The following ADGRE3 variants were observed in gnomAD, a reference collection of about 807,000 sequenced individuals.
ADGRE3 encodes the protein adhesion G protein-coupled receptor E3.
Under a neutral mutation model 80.1 loss-of-function variants are expected in ADGRE3, and 88 were observed. The observed-to-expected ratio is 1.10, with a 90% CI of 0.93 to 1.31. The LOEUF (loss-of-function observed/expected upper bound fraction) is 1.31. ADGRE3 is among the 40% of genes most tolerant of loss of function. ADGRE3 has a pLI of 0.00. For missense variants in ADGRE3, 715 were observed against 776.5 expected (o/e 0.92, Z 0.94); for synonymous variants, 281 against 294.8 (o/e 0.95, Z 0.48).
intron 13 of ADGRE3, among the ~76,000 whole-genome samples, chr19:14,631,694 C>T (rs1970886264): frequency 1.3e-5 from 2 of 151,622 alleles, no homozygotes; most frequent in South Asian, 4.2e-4. Flanking sequence ...ATATATATCC[C>T]TAATTATTAA....
chr19:14,631,327 A>G (rs2146814763), intron 13 of ADGRE3, among the ~76,000 whole-genome samples: 1 of 152,118 alleles, frequency 6.6e-6, no homozygotes, highest in South Asian at 2.1e-4. Context: ...TCAAAATATC[A>G]CAAATACTTT....
At chr19:14,630,763 G>A (rs1025401966) in intron 13 of ADGRE3, among the ~76,000 whole-genome samples, 32 of 152,124 alleles carry the variant, frequency 2.1e-4, no homozygotes, top group African/African-American at 7.7e-4. Flanking sequence ...TTGCTATAAA[G>A]ATTACATGAG....
intron 15 of ADGRE3, among the ~76,000 whole-genome samples, chr19:14,623,683 C>T (rs1970657869): frequency 6.6e-6 from 1 of 152,146 alleles, no homozygotes; most frequent in Non-Finnish European, 1.5e-5. Flanking sequence ...CTCTGTGGGC[C>T]CACATCCACA....
chr19:14,633,113 G>A (rs926528031), intron 12 of ADGRE3, 101 bp from the exon 13 acceptor site: 3 of 1,254,024 alleles, frequency 2.4e-6, no homozygotes, highest in African/African-American at 1.5e-5. Context: ...ACATGGGACT[G>A]AATTGGTAGC....
intron 5 of ADGRE3, among the ~76,000 whole-genome samples, chr19:14,657,530 G>A (rs945063158): frequency 6.8e-6 from 1 of 148,078 alleles, no homozygotes; most frequent in Non-Finnish European, 1.5e-5. Flanking sequence ...CATGCACACT[G>A]TGTGTGTCTA....
chr19:14,619,613 A>G, intron 15 of ADGRE3, 142 bp from the exon 16 acceptor site: 1 of 660,766 alleles, frequency 1.5e-6, no homozygotes, highest in East Asian at 2.6e-5. Flanking sequence ...CCTAGCATTT[A>G]AAAATCCTAG....
chr19:14,649,401 TCCATCTCTCTCC>T (rs1267156735), intron 7 of ADGRE3, among the ~76,000 whole-genome samples: 2 of 149,328 alleles, frequency 1.3e-5, no homozygotes, highest in African/African-American at 5.0e-5. Flanking sequence ...TCTCTCTCTT[TCCATCTCTCTCC>T]CCATCTCTCT....
rs1263629631 is a variant in ADGRE3, at chr19:14,619,428, T to C, written c.*5A>G. ...ATTTTCCATATGGAGTTGAATATTC[T>C]AGTTTTAATATTTTCTCTTCACTTG... is the stretch of plus-strand genomic sequence containing the variant. On this transcript the variant is annotated 3_prime_UTR_variant, in exon 16 of 16. Coordinates refer to ENST00000253673, the MANE Select transcript of ADGRE3 (RefSeq NM_032571.5). 2 of 1,567,776 alleles carry C rather than the reference T, an allele frequency of 1.3e-6. No individual in the cohort carries two copies. The highest frequency in any genetic ancestry group is 1.8e-6 in the Non-Finnish European group (2 of 1,138,458).
intron 1 of ADGRE3, among the ~76,000 whole-genome samples, chr19:14,672,774 T>A (rs1218018710): frequency 6.6e-6 from 1 of 152,076 alleles, no homozygotes; most frequent in African/African-American, 2.4e-5. Context: ...CATGACTGGC[T>A]AATTTTTTTT....
chr19:14,635,705 G>T (rs1971018496), intron 11 of ADGRE3, among the ~76,000 whole-genome samples: 1 of 152,004 alleles, frequency 6.6e-6, no homozygotes, highest in Admixed American at 6.6e-5. Context: ...GAGTCACTGC[G>T]CCCAGCTTTT....
Position 14,638,309 on chromosome 19 carries a change from T to G in ADGRE3, c.1280A>C (p.His427Pro), listed in dbSNP as rs1437688612. ...GGTGAAGGCGGCCAGGTAGAGATAG[T>G]GCAAAGCACCGGCGATGATGGAGCA... The part of the protein sequence containing the change: ...VLCSIIAGAL[H>P]YLYLAAFTWM... The change falls in exon 11 of 16, where the codon CAC becomes CCC. Residue 427 changes from histidine (H) to proline (P), a missense_variant. His to Pro is a moderately conservative substitution (Grantham distance 77, BLOSUM62 -2). Transcript: ENST00000253673. 1 of 1,613,856 alleles carries G rather than the reference T, an allele frequency of 6.2e-7. No individual in the cohort carries two copies. The highest frequency in any genetic ancestry group is 8.5e-7 in the Non-Finnish European group (1 of 1,179,976).
chr19:14,628,796 A>T (rs187777691), intron 14 of ADGRE3: 1 of 249,748 alleles, frequency 4.0e-6, no homozygotes, highest in East Asian at 1.4e-4. Context: ...AGTTTGGGAC[A>T]GTGACAGCTT....
intron 14 of ADGRE3, among the ~76,000 whole-genome samples, chr19:14,625,897 A>C (rs1329998549): frequency 6.6e-6 from 1 of 152,114 alleles, no homozygotes; most frequent in Non-Finnish European, 1.5e-5. Context: ...ATCCATATAG[A>C]CCTAAAGTAG....
At chr19:14,649,523 C>T (rs1456189030) in intron 7 of ADGRE3, among the ~76,000 whole-genome samples, 1 of 143,812 alleles carries the variant, frequency 7.0e-6, no homozygotes, top group Non-Finnish European at 1.5e-5. Context: ...TCTCTCTCTC[C>T]ATCCCTCTTT....
intron 8 of ADGRE3, among the ~76,000 whole-genome samples, chr19:14,645,822 G>C (rs546326878): frequency 6.6e-6 from 1 of 152,008 alleles, no homozygotes; most frequent in African/African-American, 2.4e-5. Context: ...AAATAAAATA[G>C]TTAGTTGGGC....
chr19:14,656,735 C>T (rs574005986), intron 5 of ADGRE3, among the ~76,000 whole-genome samples: 7 of 152,278 alleles, frequency 4.6e-5, no homozygotes, highest in African/African-American at 1.7e-4. Flanking sequence ...CCATAAGCTT[C>T]CAGCTTGCTT....
At chr19:14,668,622 A>G (rs1972168635) in intron 2 of ADGRE3, 180 bp downstream of exon 2, 1 of 552,136 alleles carries the variant, frequency 1.8e-6, no homozygotes, top group South Asian at 2.6e-5. Context: ...ACGATAAATA[A>G]AAGGCTATCC....
intron 6 of ADGRE3, among the ~76,000 whole-genome samples, chr19:14,652,791 A>AG (rs1971644587): frequency 1.6e-5 from 1 of 63,518 alleles, no homozygotes; most frequent in African/African-American, 8.5e-5. Flanking sequence ...AAAAAAAAAG[A>AG]AAAAAAAAAA....
chr19:14,638,362 C>T, intron 10 of ADGRE3, 22 bp from the exon 11 acceptor site: 1 of 1,591,326 alleles, frequency 6.3e-7, no homozygotes, highest in African/African-American at 1.3e-5. Context: ...GAAAGGGATG[C>T]CTGAAGGGGT....
Sources: gnomAD v4.1 joint callset for allele counts (sites outside exome capture counted in the v4.1 genomes callset) on GRCh38, gnomAD v4.1.1 for gene constraint, MANE v1.5 for transcripts, NCBI Gene and HGNC (gene_info 2026-07-23, HGNC 2026-07-21) for gene names.